Variants in MCF2L observed in about 807,000 individuals in gnomAD.
The protein encoded by MCF2L is guanine nucleotide exchange factor DBS.
A neutral mutation model predicts 153.4 loss-of-function variants in MCF2L; 97 were observed. The ratio of observed to expected loss-of-function variants is 0.63; its 90% CI spans 0.54 to 0.75. The LOEUF is 0.75. MCF2L is among the 30% of genes least tolerant of loss of function. MCF2L has a pLI of 0.00. For synonymous variants in MCF2L, 659 were observed against 632.2 expected, an observed-to-expected ratio of 1.04 and a Z score of -0.64; for missense variants, 1,347 against 1,495.2, an observed-to-expected ratio of 0.90 and a Z score of 1.64.
Position 113,074,409 on chromosome 13 carries a change from GAC to G in MCF2L, c.997-32_997-31del. The G allele has an allele frequency of 6.2e-7, 1 of 1,600,876 alleles. No individual in the cohort carries two copies. Among genetic ancestry groups the G allele is most frequent in the South Asian group, 1.1e-5 (1 of 90,862 alleles). On this transcript the variant is annotated intron_variant, in intron 9 of 29. Transcript: ENST00000535094. The surrounding 1 kb of genome is among the most constrained non-coding windows in gnomAD (Gnocchi z 4.2). Reference sequence around the variant, plus strand: ...GGGTTCTCTCTGTTCAGGTGAGGGAGACACCCCCCTGAGATGGGCCCTCCTCT... The same window carrying G: ...GGGTTCTCTCTGTTCAGGTGAGGGAGACCCCCCTGAGATGGGCCCTCCTCT...
At chr13:113,016,759 C>T (rs2084546644) in intron 2 of MCF2L, among the ~76,000 whole-genome samples, 1 of 152,210 alleles carries the variant, frequency 6.6e-6, no homozygotes, top group African/African-American at 2.4e-5. Context: ...GGGCTTGTGG[C>T]TGGCCCGGCC....
Position 113,086,205 on chromosome 13 carries a change from G to A in MCF2L, c.2329G>A (p.Ala777Thr). 1 of 1,611,004 alleles carries A rather than the reference G, an allele frequency of 6.2e-7. No homozygotes were observed. Among genetic ancestry groups the A allele is most frequent in the Non-Finnish European group, 8.5e-7 (1 of 1,178,770 alleles). The change falls in exon 21 of 30, where the codon GCC (alanine) becomes ACC (threonine). Residue 777 changes from alanine to threonine, a missense_variant. Ala to Thr is a moderately conservative substitution (Grantham distance 58). Transcript: ENST00000535094. The stretch of plus-strand genomic sequence containing the variant: ...GAGCTCCATCCTGGGCATCCTGAAG[G>A]CCGTGAACGACTCCATGCACCTCAT... ...ALSSILGILK[A>T]VNDSMHLIAI...
chr13:113,066,232 C>A, intron 8 of MCF2L, 62 bp downstream of exon 8: 2 of 1,498,428 alleles, frequency 1.3e-6, no homozygotes, highest in South Asian at 1.3e-5. Flanking sequence ...TCCTCTCAGG[C>A]ACACAGCTTC....
At position 113,090,912 on chromosome 13, in the gene MCF2L, C is replaced by G; in HGVS notation, c.2953+1184C>G. On this transcript the variant is annotated intron_variant, in intron 26 of 29. Transcript: ENST00000535094. The stretch of plus-strand genomic sequence containing the variant: ...AGGACGCCTCTGAGTGCCGCAGCCC[C>G]CACTCCCATGCCCTCCCGGCCCCTC... The G allele has an allele frequency of 2.5e-6, 3 of 1,185,426 alleles. No individual in the cohort carries two copies. The South Asian group carries it at 4.7e-5, about 19-fold the overall frequency. The allele number at this position is 1,185,426 out of a possible 1,614,324, so 73.4% of individuals were successfully genotyped here. A position where few individuals can be genotyped will look rare whatever the true frequency, so the allele number is the denominator to read the frequency against.
At chr13:113,091,380 G>A (rs545444830) in intron 26 of MCF2L, among the ~76,000 whole-genome samples, 35 of 152,316 alleles carry the variant, frequency 2.3e-4, no homozygotes, top group South Asian at 6.2e-4. Context: ...AGGACAGCAC[G>A]CCTCTCAGCC....
upstream of MCF2L, chr13:112,965,536 T>C (rs1213952168): frequency 6.6e-6 from 1 of 152,238 alleles, no homozygotes; most frequent in Non-Finnish European, 1.5e-5. Context: ...CTTGTGAATT[T>C]CCTCACAGTC....
intron 2 of MCF2L, among the ~76,000 whole-genome samples, chr13:113,017,698 C>T (rs1045137020): frequency 5.7e-4 from 86 of 152,184 alleles, no homozygotes; most frequent in African/African-American, 2.0e-3. Context: ...TCGCTCCACT[C>T]GAAGGAAACA....
At chr13:113,052,147 T>C (rs2087379862) in intron 4 of MCF2L, among the ~76,000 whole-genome samples, 1 of 152,242 alleles carries the variant, frequency 6.6e-6, no homozygotes, top group African/African-American at 2.4e-5. Context: ...AGGATACCTA[T>C]AGCAAAACAT....
rs1030163281 is a variant in MCF2L, at chr13:112,897,592, A to G, written c.-5+3161A>G. ...GCAGCCCCACCTGTTGAGAAAGTGA[A>G]GAGCATTACTGACATTTCCATCATG... On this transcript the variant is annotated intron_variant, in intron 1 of 29. Coordinates refer to the MCF2L transcript ENST00000375608. Among the ~76,000 whole-genome samples the G allele has an allele frequency of 3.9e-5, 6 of 152,262 alleles. No homozygotes were observed. In the East Asian group the frequency reaches 5.8e-4, roughly 15 times the overall value.
In MCF2L at chr13:113,076,104, G is replaced by A; in HGVS notation, c.1447G>A (p.Glu483Lys). The A allele has an allele frequency of 6.2e-7, 1 of 1,613,926 alleles. No homozygotes were observed. Among genetic ancestry groups the A allele is most frequent in the Non-Finnish European group, 8.5e-7 (1 of 1,179,998 alleles). Residue 483 changes from glutamate (E) to lysine (K), a missense_variant, in exon 12 of 30, where the codon GAG becomes AAG. This residue lies in a region of MCF2L where 820 missense variants were observed against 921.2 expected (regional missense o/e 0.89). Transcript: ENST00000535094. ...LETGAENKIQ[E>K]LNAIYKEYES... The stretch of plus-strand genomic sequence containing the variant: ...GACCGGTGCGGAAAATAAGATCCAG[G>A]AGCTCAACGCGATTTACAAGGAATA...
chr13:112,964,576 CAG>C (rs1400801290), upstream of MCF2L, among the ~76,000 whole-genome samples: 1 of 152,220 alleles, frequency 6.6e-6, no homozygotes, highest in Non-Finnish European at 1.5e-5. Context: ...GAAATTAACA[CAG>C]AGAAACAATC....
chr13:113,066,602 C>T (rs1358140012), intron 8 of MCF2L, among the ~76,000 whole-genome samples: 1 of 152,160 alleles, frequency 6.6e-6, no homozygotes, highest in Non-Finnish European at 1.5e-5. Context: ...ATATTTCTCC[C>T]TTGGGCTTCC....
At chr13:113,044,932 A>C (rs780188604) in intron 3 of MCF2L, 26 of 1,605,104 alleles carry the variant, frequency 1.6e-5, no homozygotes, top group African/African-American at 4.0e-5. Flanking sequence ...TCAGCTGGTC[A>C]CCCAGGAAAG....
At chr13:112,985,473 G>A (rs1317464780) in intron 1 of MCF2L, 2 of 471,044 alleles carry the variant, frequency 4.2e-6, no homozygotes, top group Non-Finnish European at 8.8e-6. Context: ...GCTGTCCGTG[G>A]CTGAGGGTGA....
intron 2 of MCF2L, chr13:112,909,510 C>T (rs369832913): frequency 1.2e-5 from 6 of 510,194 alleles, no homozygotes; most frequent in East Asian, 5.9e-5. Context: ...GCAGAGGGTG[C>T]GCAGCCAGCG....
intron 19 of MCF2L, 34 bp downstream of exon 19, chr13:113,085,018 C>G (rs2034498918): frequency 6.2e-7 from 1 of 1,611,882 alleles, no homozygotes; most frequent in South Asian, 1.1e-5. Context: ...GAACGTTACT[C>G]CCTTTCCTAG....
intron 2 of MCF2L, among the ~76,000 whole-genome samples, chr13:112,927,194 T>C (rs73572847): frequency 0.016 from 2,426 of 152,348 alleles, 75 homozygotes; most frequent in African/African-American, 0.056. Context: ...AACTTGGCAG[T>C]ATCTAGCGAG....
intron 2 of MCF2L, among the ~76,000 whole-genome samples, chr13:113,016,359 C>T (rs982030812): frequency 3.3e-5 from 5 of 152,280 alleles, no homozygotes; most frequent in African/African-American, 9.6e-5. Flanking sequence ...AGCCGCCCCA[C>T]GGGCAGCCGC....
intron 2 of MCF2L, among the ~76,000 whole-genome samples, chr13:112,953,100 G>C (rs1235549799): frequency 6.6e-6 from 1 of 152,222 alleles, no homozygotes; most frequent in Non-Finnish European, 1.5e-5. Context: ...GAGTGAAATG[G>C]AATGGCCTCT....
Sources: gnomAD v4.1 joint callset for allele counts (sites outside exome capture counted in the v4.1 genomes callset) on GRCh38, gnomAD v4.1.1 for gene constraint, gnomAD v4.1.1 regional missense constraint, Gnocchi (gnomAD v3.1) non-coding constraint, MANE v1.5 for transcripts, NCBI Gene and HGNC (gene_info 2026-07-23, HGNC 2026-07-21) for gene names.